Variants in TNFRSF10A observed in about 807,000 individuals in gnomAD.
TNFRSF10A encodes the protein tumor necrosis factor receptor superfamily member 10A.
TNFRSF10A carries 44 observed loss-of-function variants against 42.8 expected under a neutral mutation model. That is an observed-to-expected ratio of 1.03 (90% CI 0.81 to 1.32). TNFRSF10A has a LOEUF of 1.32. Among genes scored for constraint, TNFRSF10A ranks in the 40% most tolerant of loss-of-function variants. The pLI is 0.00. For missense variants in TNFRSF10A, 680 were observed against 602.0 expected, an observed-to-expected ratio of 1.13 and a Z score of -1.36; for synonymous variants, 259 against 234.2, an observed-to-expected ratio of 1.11 and a Z score of -0.97.
At chr8:23,213,301 G>A (rs1441279406) in intron 1 of TNFRSF10A, among the ~76,000 whole-genome samples, 3 of 151,888 alleles carry the variant, frequency 2.0e-5, no homozygotes, top group East Asian at 3.9e-4. Context: ...GTCCATCTAA[G>A]TAAAGGTTTG....
intron 2 of TNFRSF10A, among the ~76,000 whole-genome samples, chr8:23,210,699 C>T (rs1801081859): frequency 6.6e-6 from 1 of 151,860 alleles, no homozygotes; most frequent in Non-Finnish European, 1.5e-5. Context: ...AAAAACAAAA[C>T]AAAACAAAAA....
In TNFRSF10A at chr8:23,199,443, A is replaced by T. The variant is rs201888775; in HGVS notation, c.837T>A (p.Cys279Ter). ...CTCGTAGGAGACCCAAGCGCCAGAA[A>T]CACACCTTAGGAAGGCAAAGAGCCA... ...GGDPKCMDRVCFWRLGLLRGP... is the reference protein window; with the variant it reads ...GGDPKCMDRV The change falls in exon 8 of 10, where the codon TGT becomes TGA. Residue 279 changes from cysteine to a stop codon, truncating the protein, a stop_gained. Coordinates refer to ENST00000221132, the MANE Select transcript of TNFRSF10A (RefSeq NM_003844.4). LOFTEE classifies it high-confidence loss of function. The T allele has an allele frequency of 8.9e-5, 143 of 1,610,822 alleles. No individual in the cohort carries two copies. Among genetic ancestry groups the T allele is most frequent in the Non-Finnish European group, 1.2e-4 (138 of 1,177,362 alleles).
chr8:23,200,954 C>T (rs968606629), intron 4 of TNFRSF10A, among the ~76,000 whole-genome samples, 194 bp from the exon 5 acceptor site: 2 of 152,182 alleles, frequency 1.3e-5, no homozygotes, highest in African/African-American at 4.8e-5. Flanking sequence ...CACACTTTAC[C>T]CCCTTGGCCT....
At position 23,225,009 on chromosome 8, in the gene TNFRSF10A, G is replaced by A. The variant is rs1349682672; in HGVS notation, c.53C>T (p.Pro18Leu). Residue 18 changes from proline (P) to leucine (L), a missense_variant, in exon 1 of 10, where the codon CCG becomes CTG. Pro to Leu is a moderately conservative substitution (Grantham distance 98). Coordinates refer to ENST00000221132, the MANE Select transcript of TNFRSF10A (RefSeq NM_003844.4). Reference sequence around the variant, plus strand: ...CCCACTCGCTGCGCTCCCGGGATTCGGAGTCACTGCCAGGAACGCACCTAG... The same window carrying A: ...CCCACTCGCTGCGCTCCCGGGATTCAGAGTCACTGCCAGGAACGCACCTAG... The part of the protein sequence containing the change: ...VHLGAFLAVT[P>L]NPGSAASGTE... 2 of 1,586,568 alleles carry A rather than the reference G, an allele frequency of 1.3e-6. No individual in the cohort carries two copies. Among genetic ancestry groups the A allele is most frequent in the African/African-American group, 1.3e-5 (1 of 74,238 alleles).
chr8:23,200,623 A>G (rs538526539), intron 5 of TNFRSF10A, 23 bp from the exon 6 acceptor site: 31 of 1,614,070 alleles, frequency 1.9e-5, no homozygotes, highest in Non-Finnish European at 2.5e-5. Flanking sequence ...AGGAAAAGAC[A>G]GGAGTCTCGG....
chr8:23,190,617 T>G lies in TNFRSF10A; in HGVS notation c.*1077A>C, dbSNP rs966903371. On this transcript the variant is annotated 3_prime_UTR_variant, in exon 10 of 10. Transcript: ENST00000221132. ...ACTCAAGGTAAATAAATTAAATAATTAATAAATTAACCTTAGCTTACTGGA... is the reference window on the plus strand; with the variant it reads ...ACTCAAGGTAAATAAATTAAATAATGAATAAATTAACCTTAGCTTACTGGA... 1 of 152,226 alleles carries G rather than the reference T, an allele frequency of 6.6e-6. No individual in the cohort carries two copies. Among genetic ancestry groups the G allele is most frequent in the African/African-American group, 2.4e-5 (1 of 41,456 alleles). 9.4% of individuals were successfully genotyped at this position (152,226 alleles called of 1,614,324 possible).
At chr8:23,204,133 T>C (rs1331590924) in intron 2 of TNFRSF10A, among the ~76,000 whole-genome samples, 1 of 152,064 alleles carries the variant, frequency 6.6e-6, no homozygotes, top group Non-Finnish European at 1.5e-5. Flanking sequence ...ATGATAAAAA[T>C]ATGATTATTC....
chr8:23,206,299 A>G (rs142023110), intron 2 of TNFRSF10A, among the ~76,000 whole-genome samples: 1 of 152,348 alleles, frequency 6.6e-6, no homozygotes, highest in African/African-American at 2.4e-5. Flanking sequence ...TATAAAGTCC[A>G]TAGTAGTGTA....
chr8:23,208,663 C>T (rs1049051530), intron 2 of TNFRSF10A, among the ~76,000 whole-genome samples: 13 of 151,920 alleles, frequency 8.6e-5, no homozygotes, highest in African/African-American at 2.4e-4. Context: ...TCACCGTGTT[C>T]GCCAGGATGG....
At chr8:23,214,425 T>C (rs1381365616) in intron 1 of TNFRSF10A, among the ~76,000 whole-genome samples, 1 of 151,924 alleles carries the variant, frequency 6.6e-6, no homozygotes, top group Non-Finnish European at 1.5e-5. Context: ...GAGACGGAGC[T>C]TGCAGTGAGC....
At chr8:23,198,298 T>C (rs1228704001) in intron 8 of TNFRSF10A, among the ~76,000 whole-genome samples, 1 of 152,168 alleles carries the variant, frequency 6.6e-6, no homozygotes, top group Non-Finnish European at 1.5e-5. Flanking sequence ...AATCACATCA[T>C]TGAAAAAAAT....
At chr8:23,201,722 G>C in intron 4 of TNFRSF10A, 86 bp downstream of exon 4, 1 of 1,240,000 alleles carries the variant, frequency 8.1e-7, no homozygotes, top group South Asian at 1.2e-5. Flanking sequence ...GATAGATACG[G>C]GTACAAGGAG....
intron 2 of TNFRSF10A, among the ~76,000 whole-genome samples, chr8:23,205,196 GA>G (rs1800987081): frequency 6.6e-6 from 1 of 151,942 alleles, no homozygotes. Flanking sequence ...TTAGCACAGG[GA>G]AAAAATAAGA....
intron 3 of TNFRSF10A, among the ~76,000 whole-genome samples, chr8:23,202,419 T>C (rs753846306): frequency 1.3e-5 from 2 of 152,244 alleles, no homozygotes; most frequent in Non-Finnish European, 2.9e-5. Flanking sequence ...CTTTGTGCTG[T>C]AATGATGCCC....
At position 23,191,385 on chromosome 8, in the gene TNFRSF10A, G is replaced by C. The variant is rs1800750654; in HGVS notation, c.*309C>G. The stretch of plus-strand genomic sequence containing the variant: ...TGCAGTGGTGCAATCTCAGCTCACT[G>C]CCTCGTGGGTTCAAGTGATTCTCCT... On this transcript the variant is annotated 3_prime_UTR_variant, in exon 10 of 10. Coordinates refer to ENST00000221132, the MANE Select transcript of TNFRSF10A (RefSeq NM_003844.4). 2 of 408,210 alleles carry C rather than the reference G, an allele frequency of 4.9e-6. No individual in the cohort carries two copies. The highest frequency in any genetic ancestry group is 8.7e-6 in the Non-Finnish European group (2 of 229,638). 25.3% of individuals were successfully genotyped at this position (408,210 alleles called of 1,614,324 possible).
intron 8 of TNFRSF10A, among the ~76,000 whole-genome samples, chr8:23,198,734 T>TGTGTGTGTGCATGTGTGTACATGC (rs1370466240): frequency 1.4e-4 from 22 of 152,106 alleles, no homozygotes; most frequent in African/African-American, 4.1e-4. Context: ...GGTACGTGCA[T>TGTGTGTGTGCATGTGTGTACATGC]GTGTGTGTGC....
rs1800833396 is a variant in TNFRSF10A at position 23,197,136 on chromosome 8, A to G, written c.1083T>C (p.Thr361=). The G allele has an allele frequency of 1.2e-6, 2 of 1,613,878 alleles. No individual in the cohort carries two copies. Among genetic ancestry groups the G allele is most frequent in the Non-Finnish European group, 1.7e-6 (2 of 1,179,874 alleles). The change falls in exon 9 of 10, where the codon ACT becomes ACC. Residue 361 remains threonine (T), a synonymous_variant. Coordinates refer to ENST00000221132, the MANE Select transcript of TNFRSF10A (RefSeq NM_003844.4). ...CTCCAGGAGCAAAACACTTACTCTC[A>G]GTGGGGTCAGCACCATTTGCTGGAA... ...LLVPANGADP[T]ETLMLFFDKF... is the part of the protein sequence containing the mutation.
chr8:23,224,500 G>A (rs1801305227), intron 1 of TNFRSF10A: 1 of 529,440 alleles, frequency 1.9e-6, no homozygotes, highest in Non-Finnish European at 3.4e-6. Flanking sequence ...GACGCGCCAG[G>A]CAGCAGCCAA....
At chr8:23,224,277 G>C (rs1435858097) in intron 1 of TNFRSF10A, among the ~76,000 whole-genome samples, 1 of 143,374 alleles carries the variant, frequency 7.0e-6, no homozygotes, top group Non-Finnish European at 1.5e-5. Context: ...TCCAGCCTGG[G>C]CGACAGAGAG....
Sources: gnomAD v4.1 joint callset for allele counts (sites outside exome capture counted in the v4.1 genomes callset) on GRCh38, gnomAD v4.1.1 for gene constraint, MANE v1.5 for transcripts, NCBI Gene and HGNC (gene_info 2026-07-23, HGNC 2026-07-21) for gene names.